Variants in ARSG observed in about 807,000 individuals in gnomAD.
ARSG encodes the protein arylsulfatase G.
A neutral mutation model predicts 50.5 loss-of-function variants in ARSG; 37 were observed. The observed-to-expected ratio is 0.73, with a 90% confidence interval of 0.56 to 0.96. The LOEUF is 0.96. Among genes scored for constraint, ARSG ranks in the 50% least tolerant of loss-of-function variants. The pLI is 0.00. For missense variants in ARSG, 629 were observed against 675.3 expected (o/e 0.93, Z 0.76); for synonymous variants, 225 against 254.6 (o/e 0.88, Z 1.11).
At chr17:68,288,161 T>G (rs1034799888), upstream of ARSG, among the ~76,000 whole-genome samples, 1 of 149,692 alleles carries the variant, frequency 6.7e-6, no homozygotes, top group African/African-American at 2.5e-5. Flanking sequence ...CACGCCCGGC[T>G]GATTTTTTTT....
chr17:68,397,487 T>C lies in ARSG; in HGVS notation c.1212+2294T>C, dbSNP rs1371567920. ...GTTTGAGGACAACATGGGTAGTTGC[T>C]GGACCTGAATTTGGGTTTGGTCTTC... On this transcript the variant is annotated intron_variant, in intron 10 of 11. Coordinates refer to ENST00000621439, the MANE Select transcript of ARSG (RefSeq NM_001267727.2). 2.6e-5 allele frequency among the ~76,000 whole-genome samples: 4 copies of C among 152,186 alleles called. No homozygotes were observed. The East Asian group carries it at 7.7e-4, about 29-fold the overall frequency.
At chr17:68,265,116 T>C (rs2075131324) in intron 1 of ARSG, among the ~76,000 whole-genome samples, 1 of 142,200 alleles carries the variant, frequency 7.0e-6, no homozygotes, top group Admixed American at 7.2e-5. Flanking sequence ...ATCACGCCAC[T>C]GCACTCCAGC....
At chr17:68,350,629 CA>C (rs2078715170) in intron 4 of ARSG, among the ~76,000 whole-genome samples, 1 of 151,614 alleles carries the variant, frequency 6.6e-6, no homozygotes, top group Admixed American at 6.6e-5. Flanking sequence ...ACTAAAAATA[CA>C]AAAAATTAGC....
downstream of ARSG, among the ~76,000 whole-genome samples, chr17:68,425,182 T>C (rs2083078034): frequency 6.6e-6 from 1 of 152,190 alleles, no homozygotes; most frequent in African/African-American, 2.4e-5. Context: ...CTGCACCTGC[T>C]GCCCTCCACA....
At chr17:68,420,126 C>A in intron 11 of ARSG, 63 bp from the exon 12 acceptor site, 1 of 1,567,342 alleles carries the variant, frequency 6.4e-7, no homozygotes. Flanking sequence ...TCGCAGCTCT[C>A]GTCTTTACAA....
intron 2 of ARSG, among the ~76,000 whole-genome samples, chr17:68,320,677 G>C (rs1277149149): frequency 6.6e-6 from 1 of 152,182 alleles, no homozygotes; most frequent in Admixed American, 6.5e-5. Context: ...CCTGCAAGCT[G>C]TGGGGATCCT....
rs201539354 is a variant in ARSG at position 68,385,106 on chromosome 17, G to T, written c.1025G>T (p.Arg342Leu). The T allele has an allele frequency of 6.2e-7, 1 of 1,613,918 alleles. No individual in the cohort carries two copies. The highest frequency in any genetic ancestry group is 1.3e-5 in the African/African-American group (1 of 74,890). ...AKQTTWEGGH[R>L]VPALAYWPGR... ...CAGACGACCTGGGAAGGAGGGCACC[G>T]GGTCCCAGCACTGGCTTACTGGCCT... Residue 342 changes from arginine to leucine, a missense_variant, in exon 9 of 12, where the codon CGG becomes CTG. Coordinates refer to ENST00000621439, the MANE Select transcript of ARSG (RefSeq NM_001267727.2).
At chr17:68,274,260 G>T (rs1055271400) in intron 1 of ARSG, 17 of 504,738 alleles carry the variant, frequency 3.4e-5, no homozygotes, top group African/African-American at 3.0e-4. Context: ...GAGCCCAGGA[G>T]TTCAAGACTA....
At chr17:68,300,209 G>A (rs1231746818) in intron 1 of ARSG, among the ~76,000 whole-genome samples, 1 of 152,144 alleles carries the variant, frequency 6.6e-6, no homozygotes, top group Non-Finnish European at 1.5e-5. Flanking sequence ...GCCTCCCAAA[G>A]CGCTGGGATT....
chr17:68,394,563 G>A (rs1165233447), intron 9 of ARSG, among the ~76,000 whole-genome samples: 1 of 152,134 alleles, frequency 6.6e-6, no homozygotes, highest in Non-Finnish European at 1.5e-5. Context: ...CAGCCCAGGA[G>A]TTCAAGGTTA....
At chr17:68,291,149 C>G (rs1482579412), upstream of ARSG, 3 of 152,178 alleles carry the variant, frequency 2.0e-5, no homozygotes, top group Admixed American at 6.5e-5. Context: ...TTGGCCTCCC[C>G]CTCCTTATAA....
intron 11 of ARSG, among the ~76,000 whole-genome samples, chr17:68,415,350 A>G (rs1256443438): frequency 1.3e-5 from 2 of 152,090 alleles, no homozygotes; most frequent in Non-Finnish European, 1.5e-5. Context: ...TTTGGAATGG[A>G]TTTCCAGTTT....
chr17:68,259,476 A>G (rs2075040118), intron 1 of ARSG: 1 of 152,224 alleles, frequency 6.6e-6, no homozygotes, highest in South Asian at 2.1e-4. Flanking sequence ...GCTTCATTGA[A>G]GAGTTTGAAT....
chr17:68,439,401 C>A, the ARSG span, among the ~76,000 whole-genome samples: 1 of 152,094 alleles, frequency 6.6e-6, no homozygotes, highest in Non-Finnish European at 1.5e-5. Flanking sequence ...GTATGAGTCT[C>A]CTGATATAAA....
intron 8 of ARSG, among the ~76,000 whole-genome samples, chr17:68,375,109 A>G (rs1262880117): frequency 6.6e-6 from 1 of 152,218 alleles, no homozygotes; most frequent in African/African-American, 2.4e-5. Flanking sequence ...ATATGCAGAC[A>G]GTCCCCTGGG....
chr17:68,411,188 C>G (rs904082538), intron 11 of ARSG, among the ~76,000 whole-genome samples: 6 of 152,194 alleles, frequency 3.9e-5, no homozygotes, highest in African/African-American at 1.4e-4. Context: ...TTTGCTCTTG[C>G]TTTTCTGGTT....
chr17:68,279,206 G>A (rs1010508751), intron 1 of ARSG, among the ~76,000 whole-genome samples: 17 of 152,130 alleles, frequency 1.1e-4, no homozygotes, highest in African/African-American at 3.9e-4. Flanking sequence ...CCTAGAAAAC[G>A]GAGGCTGAAA....
chr17:68,435,540 G>T, the ARSG span: 1 of 1,382,148 alleles, frequency 7.2e-7, no homozygotes, highest in Non-Finnish European at 1.0e-6. Flanking sequence ...ATGTCACCAG[G>T]TTTGTTCAAT....
At chr17:68,422,074 T>C (rs142919680), downstream of ARSG, 37 of 475,372 alleles carry the variant, frequency 7.8e-5, 1 homozygote, top group East Asian at 1.2e-3. Context: ...TATATGTATA[T>C]GTATATATTT....
Sources: allele counts gnomAD v4.1 joint callset (sites outside exome capture counted in the v4.1 genomes callset), GRCh38; gene constraint gnomAD v4.1.1; transcripts MANE v1.5; gene names NCBI Gene and HGNC (gene_info 2026-07-23, HGNC 2026-07-21).